The following ZSCAN18 variants were observed in gnomAD, a reference collection of about 807,000 sequenced individuals.
The protein encoded by ZSCAN18 is zinc finger and SCAN domain containing 18.
A neutral mutation model predicts 31.1 loss-of-function variants in ZSCAN18; 16 were observed. That is an observed-to-expected ratio of 0.51 (90% CI 0.35 to 0.78). ZSCAN18 has a LOEUF of 0.78. Among genes scored for constraint, ZSCAN18 ranks in the 30% least tolerant of loss-of-function variants. The pLI, the probability that ZSCAN18 is intolerant of heterozygous loss-of-function variation, is 0.01. For missense variants in ZSCAN18, 731 were observed against 697.4 expected (o/e 1.05, Z -0.54); for synonymous variants, 375 against 320.7 (o/e 1.17, Z -1.81).
upstream of ZSCAN18, among the ~76,000 whole-genome samples, chr19:58,102,374 T>C (rs1334680531): frequency 6.6e-6 from 1 of 152,046 alleles, no homozygotes; most frequent in Non-Finnish European, 1.5e-5. Flanking sequence ...GGCAGGAGAA[T>C]GGTGTGAACC....
chr19:58,089,360 G>A (rs949264792), intron 2 of ZSCAN18, among the ~76,000 whole-genome samples: 1 of 138,350 alleles, frequency 7.2e-6, no homozygotes, highest in African/African-American at 2.7e-5. Flanking sequence ...GGGTGTGGTG[G>A]CTCACAACTG....
chr19:58,090,261 G>A lies in ZSCAN18; in HGVS notation c.7C>T (p.Pro3Ser), dbSNP rs762616029. The A allele has an allele frequency of 6.2e-7, 1 of 1,613,390 alleles. No homozygotes were observed. Among genetic ancestry groups the A allele is most frequent in the African/African-American group, 1.3e-5 (1 of 74,940 alleles). ...GGGGAGGCAAACGCCTTCTCCAAAG[G>A]CAACATCTTTCCAAAACGGCACTGG... ML[P>S]LEKAFASPRS... The change falls in exon 2 of 7, where the codon CCT becomes TCT. Residue 3 changes from proline to serine, a missense_variant. Pro to Ser is a moderately conservative substitution (Grantham distance 74). This residue lies in a region of ZSCAN18 where 86 missense variants were observed against 119.1 expected (regional missense o/e 0.72). Transcript: ENST00000601144. The surrounding 1 kb of genome is among the most constrained non-coding windows in gnomAD (Gnocchi z 4.7).
chr19:58,117,105 C>T (rs150100705), intron 1 of ZSCAN18, among the ~76,000 whole-genome samples: 10 of 152,280 alleles, frequency 6.6e-5, no homozygotes, highest in South Asian at 2.1e-4. Context: ...GTAAAACGCC[C>T]AGCTAACTGA....
rs2074378346 is a variant in ZSCAN18 at position 58,090,034 on chromosome 19, C to T, written c.234G>A (p.Leu78=). 5 of 1,614,018 alleles carry T rather than the reference C, an allele frequency of 3.1e-6. No homozygotes were observed. Among genetic ancestry groups the T allele is most frequent in the Middle Eastern group, 1.7e-4 (1 of 6,056 alleles). The part of the protein sequence containing the change: ...ARLHELCRQW[L]MPEARSKEQM... Reference sequence around the variant, plus strand: ...GCTCCTTGGAGCGCGCCTCAGGCATCAGCCACTGGCGGCACAGCTCATGCA... The same window carrying T: ...GCTCCTTGGAGCGCGCCTCAGGCATTAGCCACTGGCGGCACAGCTCATGCA... The change falls in exon 2 of 7, where the codon CTG becomes CTA. Residue 78 remains leucine, a synonymous_variant. Coordinates refer to ENST00000601144, the MANE Select transcript of ZSCAN18 (RefSeq NM_001145543.2). This position sits in a 1 kb window ranked among gnomAD's most constrained non-coding sequence, Gnocchi z 4.7.
intron 1 of ZSCAN18, among the ~76,000 whole-genome samples, chr19:58,112,250 G>T (rs925785262): frequency 1.3e-5 from 2 of 152,062 alleles, no homozygotes; most frequent in Non-Finnish European, 2.9e-5. Flanking sequence ...GCCTAGTCTG[G>T]TCTCAAATTC....
rs2074218632 is a variant in ZSCAN18 at position 58,084,494 on chromosome 19, C to A, written c.*191G>T. ...CGAGCGCTGGCCCAGGGTGTGTTTA[C>A]AGAGGTGAGGGCTTCCCGTGGACCC... is the stretch of plus-strand genomic sequence containing the variant. On this transcript the variant is annotated 3_prime_UTR_variant, in exon 7 of 7. Coordinates refer to ENST00000601144, the MANE Select transcript of ZSCAN18 (RefSeq NM_001145543.2). This position sits in a 1 kb window ranked among gnomAD's most constrained non-coding sequence, Gnocchi z 4.5. 7.3e-6 allele frequency: 4 copies of A among 545,964 alleles called. No homozygotes were observed. Among genetic ancestry groups the A allele is most frequent in the Non-Finnish European group, 6.0e-6 (2 of 331,440 alleles). 33.8% of individuals were successfully genotyped at this position (545,964 alleles called of 1,614,324 possible).
chr19:58,108,443 G>A (rs1236781866), intron 1 of ZSCAN18: 3 of 985,538 alleles, frequency 3.0e-6, no homozygotes, highest in Non-Finnish European at 3.6e-6. Flanking sequence ...TCTTTCCTAT[G>A]TGGGTTTTCT....
rs747667381 is a variant in ZSCAN18, at chr19:58,089,971, G to A, written c.297C>T (p.Gly99=). Residue 99 remains glycine, a synonymous_variant, in exon 2 of 7, where the codon GGC becomes GGT. Transcript: ENST00000601144. ...AGGGCCGGACCTTATCAGGCAGGATGCCCAGGAACTGCTCCAGCACCAGCA... is the reference window on the plus strand; with the variant it reads ...AGGGCCGGACCTTATCAGGCAGGATACCCAGGAACTGCTCCAGCACCAGCA... The part of the protein sequence containing the change: ...LELLVLEQFL[G]ILPDKVRPWV... The A allele has an allele frequency of 3.1e-6, 5 of 1,613,998 alleles. No individual in the cohort carries two copies. In the African/African-American group the frequency reaches 6.7e-5, roughly 22 times the overall value.
At chr19:58,110,906 C>T (rs974419408) in intron 1 of ZSCAN18, among the ~76,000 whole-genome samples, 3 of 152,132 alleles carry the variant, frequency 2.0e-5, no homozygotes, top group Admixed American at 6.6e-5. Context: ...CGGTGGCTCA[C>T]GCCTGTAATC....
At position 58,088,400 on chromosome 19, in the gene ZSCAN18, C is replaced by T. The variant is rs1301882114; in HGVS notation, c.553+288G>A. 5 of 343,902 alleles carry T rather than the reference C, an allele frequency of 1.5e-5. No homozygotes were observed. The East Asian group carries it at 1.6e-4, about 11-fold the overall frequency. The allele number at this position is 343,902 out of a possible 1,614,324, so 21.3% of individuals were successfully genotyped here. A position where few individuals can be genotyped will look rare whatever the true frequency, so the allele number is the denominator to read the frequency against. ...GACGTGCATCAGGACACTTGAGACCCTTTATTTTCAGAGGGTTCATGGTCG... is the reference window on the plus strand; with the variant it reads ...GACGTGCATCAGGACACTTGAGACCTTTTATTTTCAGAGGGTTCATGGTCG... On this transcript the variant is annotated intron_variant, in intron 3 of 6. Transcript: ENST00000601144.
intron 1 of ZSCAN18, among the ~76,000 whole-genome samples, chr19:58,118,026 T>G (rs530868083): frequency 1.3e-5 from 2 of 151,590 alleles, no homozygotes; most frequent in Non-Finnish European, 2.9e-5. Flanking sequence ...GGAGAGGCGT[T>G]AGGGGGTCCG....
At chr19:58,087,177 G>A (rs912659196) in intron 4 of ZSCAN18, 139 bp downstream of exon 4, 24 of 1,051,698 alleles carry the variant, frequency 2.3e-5, no homozygotes, top group Non-Finnish European at 3.0e-5. Flanking sequence ...CCGCCCTCAC[G>A]CTCCCACCAG....
chr19:58,086,803 TCA>T (rs201864042), intron 5 of ZSCAN18, 101 bp downstream of exon 5: 14,007 of 813,460 alleles, frequency 0.017, 189 homozygotes, highest in Non-Finnish European at 0.022. Context: ...CTGTAAGACA[TCA>T]CAGTGTCCCA....
intron 1 of ZSCAN18, 169 bp downstream of exon 1, chr19:58,098,005 C>A: frequency 1.0e-6 from 1 of 985,834 alleles, no homozygotes; most frequent in Non-Finnish European, 1.2e-6. Context: ...GCACTCCACG[C>A]GAAGGGATGC....
intron 1 of ZSCAN18, chr19:58,109,358 T>C: frequency 8.1e-7 from 1 of 1,231,014 alleles, no homozygotes; most frequent in Non-Finnish European, 1.0e-6. Flanking sequence ...TTGCTAGAGT[T>C]AGAATGGTAA....
chr19:58,108,037 T>C, intron 1 of ZSCAN18: 1 of 1,014,354 alleles, frequency 9.9e-7, no homozygotes, highest in South Asian at 4.5e-5. Flanking sequence ...AATCCTCTTG[T>C]GCCTGATGAG....
At position 58,087,526 on chromosome 19, in the gene ZSCAN18, C is replaced by G. The variant is rs2074307718; in HGVS notation, c.554-122G>C. 4 of 811,698 alleles carry G rather than the reference C, an allele frequency of 4.9e-6. No individual in the cohort carries two copies. In the Admixed American group the frequency reaches 9.8e-5, roughly 20 times the overall value. The allele number at this position is 811,698 out of a possible 1,614,324, so 50.3% of individuals were successfully genotyped here. A position where few individuals can be genotyped will look rare whatever the true frequency, so the allele number is the denominator to read the frequency against. ...AGTGTGCTTCTGTGACAGCAGCACCCAAGGCTCAACGGACACTACACCTTT... is the reference window on the plus strand; with the variant it reads ...AGTGTGCTTCTGTGACAGCAGCACCGAAGGCTCAACGGACACTACACCTTT... On this transcript the variant is annotated intron_variant, in intron 3 of 6. Coordinates refer to ENST00000601144, the MANE Select transcript of ZSCAN18 (RefSeq NM_001145543.2).
In ZSCAN18 at chr19:58,090,327, G is replaced by T; in HGVS notation, c.-60C>A. 1 of 1,611,798 alleles carries T rather than the reference G, an allele frequency of 6.2e-7. No individual in the cohort carries two copies. Among genetic ancestry groups the T allele is most frequent in the South Asian group, 1.1e-5 (1 of 90,854 alleles). On this transcript the variant is annotated 5_prime_UTR_variant, in exon 2 of 7. Coordinates refer to ENST00000601144, the MANE Select transcript of ZSCAN18 (RefSeq NM_001145543.2). This position sits in a 1 kb window ranked among gnomAD's most constrained non-coding sequence, Gnocchi z 4.7. ...AGCCAGGGACAAGGTGGCTCCAAAG[G>T]AGAGGTGCCAGGGATGACCAGATGC...
chr19:58,099,576 C>T (rs888215074), upstream of ZSCAN18, among the ~76,000 whole-genome samples: 11 of 152,154 alleles, frequency 7.2e-5, no homozygotes, highest in East Asian at 1.9e-4. Flanking sequence ...TTTCTGTGAA[C>T]GTAAGTTTTC....
Sources: allele counts gnomAD v4.1 joint callset (sites outside exome capture counted in the v4.1 genomes callset), GRCh38; gene constraint gnomAD v4.1.1; regional missense constraint gnomAD v4.1.1; non-coding constraint Gnocchi (gnomAD v3.1); transcripts MANE v1.5; gene names NCBI Gene and HGNC (gene_info 2026-07-23, HGNC 2026-07-21).